PACRG: variants seen among roughly 807,000 people sequenced by gnomAD.
PACRG encodes parkin coregulated, also known as parkin coregulated gene protein.
PACRG carries 29 observed loss-of-function variants against 29.7 expected under a neutral mutation model. That is an observed-to-expected ratio of 0.98 (90% CI 0.73 to 1.33). The LOEUF is 1.33. Ranked by LOEUF, PACRG falls within the 40% of genes most tolerant of loss-of-function variation. The pLI, the probability that PACRG is intolerant of heterozygous loss-of-function variation, is 0.00. For synonymous variants in PACRG, 116 were observed against 118.7 expected (o/e 0.98, Z 0.15); for missense variants, 279 against 316.2 (o/e 0.88, Z 0.89).
intron 4 of PACRG, among the ~76,000 whole-genome samples, chr6:163,215,205 C>T (rs1781314786): frequency 6.6e-6 from 1 of 151,880 alleles, no homozygotes; most frequent in Admixed American, 6.6e-5. Context: ...TATTTTAGAA[C>T]TATTCTATCA....
chr6:162,742,472 T>C (rs1426439504), intron 1 of PACRG, among the ~76,000 whole-genome samples: 1 of 152,176 alleles, frequency 6.6e-6, no homozygotes, highest in Non-Finnish European at 1.5e-5. Flanking sequence ...ATGTCTTTAT[T>C]ACCAATAGGA....
chr6:163,126,081 G>A (rs772420260), intron 4 of PACRG, among the ~76,000 whole-genome samples: 2 of 152,130 alleles, frequency 1.3e-5, no homozygotes, highest in South Asian at 4.1e-4. Flanking sequence ...AAACACTTAC[G>A]TATATCCTAG....
At chr6:163,010,174 A>G (rs996307398) in intron 2 of PACRG, among the ~76,000 whole-genome samples, 4 of 152,202 alleles carry the variant, frequency 2.6e-5, no homozygotes, top group African/African-American at 7.2e-5. Context: ...AAAGTGATCC[A>G]CTATAATCAA....
chr6:163,286,324 T>C (rs964083106), intron 4 of PACRG, among the ~76,000 whole-genome samples: 1 of 152,232 alleles, frequency 6.6e-6, no homozygotes, highest in Admixed American at 6.5e-5. Flanking sequence ...GCCTATTTTA[T>C]TATTGATACA....
At chr6:163,121,663 CTTTTTTTTT>C (rs771976364) in intron 4 of PACRG, among the ~76,000 whole-genome samples, 3 of 126,228 alleles carry the variant, frequency 2.4e-5, no homozygotes, top group African/African-American at 8.8e-5. Context: ...TCTCGGTAAT[CTTTTTTTTT>C]TTTTTTTTTT....
At chr6:162,900,537 T>C (rs1426647625) in intron 2 of PACRG, among the ~76,000 whole-genome samples, 7 of 152,172 alleles carry the variant, frequency 4.6e-5, no homozygotes, top group African/African-American at 1.4e-4. Flanking sequence ...TGGCCCATTC[T>C]TTCTTCAAAC....
chr6:162,743,077 G>T (rs1780723602), intron 1 of PACRG, among the ~76,000 whole-genome samples: 1 of 152,080 alleles, frequency 6.6e-6, no homozygotes, highest in Non-Finnish European at 1.5e-5. Context: ...TAACAAGTGT[G>T]AATATCTCAT....
At chr6:163,298,988 T>A (rs1040779438) in intron 4 of PACRG, among the ~76,000 whole-genome samples, 3 of 152,206 alleles carry the variant, frequency 2.0e-5, no homozygotes, top group Admixed American at 6.5e-5. Flanking sequence ...ACCTTTCCGT[T>A]CCTTGCCAGG....
chr6:162,756,368 A>G (rs1781920248), intron 1 of PACRG, among the ~76,000 whole-genome samples: 1 of 152,168 alleles, frequency 6.6e-6, no homozygotes, highest in African/African-American at 2.4e-5. Context: ...CTTCATGGTG[A>G]ACTAACCCCT....
intron 4 of PACRG, among the ~76,000 whole-genome samples, chr6:163,090,675 T>A (rs1010976996): frequency 6.6e-6 from 1 of 152,220 alleles, no homozygotes. Context: ...ATCCATGAAG[T>A]TATGGGAGAC....
In PACRG at chr6:163,041,741, C is replaced by T. The variant is rs532049583; in HGVS notation, c.292-20409C>T. Among the ~76,000 whole-genome samples, 6 of 152,284 alleles carry T rather than the reference C, an allele frequency of 3.9e-5. No individual in the cohort carries two copies. The East Asian group carries it at 1.2e-3, about 29-fold the overall frequency. On this transcript the variant is annotated intron_variant, in intron 2 of 4. Coordinates refer to ENST00000366888, the MANE Select transcript of PACRG (RefSeq NM_001080379.2). ...TATACTCGAGTATTTTATTAACTCC[C>T]AAACGAAGACAGAATAATCCACATA...
chr6:162,876,363 C>T (rs149893965), intron 2 of PACRG, among the ~76,000 whole-genome samples: 9 of 152,326 alleles, frequency 5.9e-5, no homozygotes, highest in Non-Finnish European at 1.0e-4. Context: ...GCATCAGCAA[C>T]TGCCAGCAGG....
intron 2 of PACRG, among the ~76,000 whole-genome samples, chr6:162,981,280 A>G (rs1802397679): frequency 6.9e-6 from 1 of 145,878 alleles, no homozygotes; most frequent in African/African-American, 2.6e-5. Context: ...ATATATTTTT[A>G]TGTATAAAAC....
intron 1 of PACRG, among the ~76,000 whole-genome samples, chr6:162,764,136 G>T (rs1183906747): frequency 6.6e-6 from 1 of 152,034 alleles, no homozygotes; most frequent in Non-Finnish European, 1.5e-5. Flanking sequence ...TTAGCCAGTT[G>T]TGGTGGCACA....
chr6:163,002,553 C>T (rs1200461661), intron 2 of PACRG, among the ~76,000 whole-genome samples: 3 of 152,182 alleles, frequency 2.0e-5, no homozygotes, highest in Non-Finnish European at 2.9e-5. Context: ...GCATTGCCCA[C>T]AGTGCCTTGA....
At chr6:162,830,030 C>T (rs1437708855) in intron 2 of PACRG, among the ~76,000 whole-genome samples, 1 of 152,074 alleles carries the variant, frequency 6.6e-6, no homozygotes, top group East Asian at 1.9e-4. Flanking sequence ...GGAGGAAGGG[C>T]GTGGTCCACT....
intron 4 of PACRG, among the ~76,000 whole-genome samples, chr6:163,255,505 A>G (rs1783070922): frequency 6.6e-6 from 1 of 152,224 alleles, no homozygotes; most frequent in African/African-American, 2.4e-5. Context: ...AGGGTCAAGC[A>G]GGATGGCAGG....
intron 4 of PACRG, among the ~76,000 whole-genome samples, chr6:163,119,674 T>C (rs865954290): frequency 1.3e-5 from 2 of 152,208 alleles, no homozygotes; most frequent in South Asian, 4.1e-4. Context: ...GAATCTTGTA[T>C]TGAGTTGTTG....
chr6:162,910,605 T>C (rs1028937020), intron 2 of PACRG, among the ~76,000 whole-genome samples: 6 of 152,184 alleles, frequency 3.9e-5, no homozygotes, highest in Admixed American at 1.3e-4. Flanking sequence ...TTTGTGTAGA[T>C]ATTAGCAATT....
Sources: allele counts gnomAD v4.1 joint callset (sites outside exome capture counted in the v4.1 genomes callset), GRCh38; gene constraint gnomAD v4.1.1; transcripts MANE v1.5; gene names NCBI Gene and HGNC (gene_info 2026-07-23, HGNC 2026-07-21).